Variants in ADGRB3 observed in about 807,000 individuals in gnomAD.
ADGRB3 encodes the protein brain-specific angiogenesis inhibitor 3.
Under a neutral mutation model 193.4 loss-of-function variants are expected in ADGRB3, and 37 were observed. That is an observed-to-expected ratio of 0.19 (90% CI 0.15 to 0.25). ADGRB3 has a LOEUF of 0.25. ADGRB3 is among the 10% of genes least tolerant of loss of function. ADGRB3 has a pLI of 1.00. For synonymous variants in ADGRB3, 690 were observed against 644.2 expected, an observed-to-expected ratio of 1.07 and a Z score of -1.08; for missense variants, 1,637 against 1,852.9, an observed-to-expected ratio of 0.88 and a Z score of 2.14.
intron 3 of ADGRB3, among the ~76,000 whole-genome samples, chr6:68,710,018 T>C (rs1765383448): frequency 2.0e-5 from 3 of 152,122 alleles, no homozygotes; most frequent in Admixed American, 2.0e-4. Context: ...TGTTAACACA[T>C]ATTGAGCACT....
In ADGRB3 at chr6:68,952,130, A is replaced by AC. The variant is rs964168491; in HGVS notation, c.1196-3887dup. On this transcript the variant is annotated intron_variant, in intron 6 of 31. Transcript: ENST00000370598. The stretch of plus-strand genomic sequence containing the variant: ...ATCCAAAACAGAACTCTTAATTTCT[A>AC]CCCCCCCAAAGCCTCCCTGTTCTCT... Among the ~76,000 whole-genome samples the AC allele has an allele frequency of 1.5e-4, 23 of 152,114 alleles. No homozygotes were observed. The Middle Eastern group carries it at 0.01, about 67-fold the overall frequency.
intron 3 of ADGRB3, among the ~76,000 whole-genome samples, chr6:68,774,281 G>GA (rs1382924429): frequency 6.6e-6 from 1 of 151,040 alleles, no homozygotes; most frequent in African/African-American, 2.4e-5. Flanking sequence ...TAGGAAGCAG[G>GA]AAAAAATTTG....
intron 17 of ADGRB3, among the ~76,000 whole-genome samples, chr6:69,218,124 A>G (rs1022149563): frequency 8.6e-5 from 13 of 152,018 alleles, no homozygotes; most frequent in Non-Finnish European, 1.2e-4. Context: ...TTACATTGCA[A>G]AAAAAGACAA....
chr6:69,167,874 G>A (rs1775170567), intron 17 of ADGRB3, among the ~76,000 whole-genome samples: 1 of 152,048 alleles, frequency 6.6e-6, no homozygotes, highest in Admixed American at 6.6e-5. Flanking sequence ...CACTGGGGTG[G>A]TTCATGTTTT....
chr6:69,048,074 T>C, intron 13 of ADGRB3, 111 bp from the exon 14 acceptor site: 2 of 1,188,480 alleles, frequency 1.7e-6, no homozygotes, highest in Admixed American at 2.4e-5. Flanking sequence ...ATAAATACAA[T>C]TTTGACTTGA....
chr6:69,030,282 A>G (rs1770601040), intron 13 of ADGRB3, among the ~76,000 whole-genome samples: 1 of 152,206 alleles, frequency 6.6e-6, no homozygotes, highest in Non-Finnish European at 1.5e-5. Flanking sequence ...CCAAAGGATT[A>G]TAAATCATTT....
At chr6:69,093,561 G>A (rs2150318438) in intron 17 of ADGRB3, among the ~76,000 whole-genome samples, 1 of 151,772 alleles carries the variant, frequency 6.6e-6, no homozygotes, top group Middle Eastern at 3.4e-3. Flanking sequence ...GGTTCAGGGG[G>A]AGAGGGGCGA....
intron 3 of ADGRB3, among the ~76,000 whole-genome samples, chr6:68,726,265 G>A (rs748918189): frequency 1.3e-5 from 2 of 151,534 alleles, no homozygotes; most frequent in African/African-American, 4.8e-5. Context: ...GATATAAAAA[G>A]CAACTTTAGA....
intron 8 of ADGRB3, among the ~76,000 whole-genome samples, chr6:68,973,341 A>T (rs1326804747): frequency 6.6e-6 from 1 of 152,186 alleles, no homozygotes; most frequent in Non-Finnish European, 1.5e-5. Context: ...TCAGCTTTGT[A>T]ATACCCATGT....
intron 24 of ADGRB3, among the ~76,000 whole-genome samples, chr6:69,333,931 AAAAACAAAATAAAATAAAAT>A (rs1768782604): frequency 7.5e-6 from 1 of 132,966 alleles, no homozygotes; most frequent in Non-Finnish European, 1.6e-5. Flanking sequence ...CTCTGTCTCA[AAAAACAAAATAAAATAAAAT>A]AAAATAAAAT....
chr6:68,782,307 A>AT (rs576135844), intron 3 of ADGRB3, among the ~76,000 whole-genome samples: 178 of 151,730 alleles, frequency 1.2e-3, no homozygotes, highest in African/African-American at 4.1e-3. Flanking sequence ...TGAACTCATC[A>AT]TTTTTTATGG....
At chr6:68,829,450 G>A (rs1255616111) in intron 3 of ADGRB3, among the ~76,000 whole-genome samples, 2 of 151,934 alleles carry the variant, frequency 1.3e-5, no homozygotes, top group Admixed American at 1.3e-4. Flanking sequence ...TTAGATCATT[G>A]CTGTAGAACC....
intron 17 of ADGRB3, among the ~76,000 whole-genome samples, chr6:69,094,393 G>T: frequency 6.6e-6 from 1 of 152,174 alleles, no homozygotes; most frequent in East Asian, 1.9e-4. Flanking sequence ...CTTATCAGTT[G>T]CTCCTGTTTT....
intron 26 of ADGRB3, among the ~76,000 whole-genome samples, chr6:69,345,455 A>G (rs1430721938): frequency 6.6e-6 from 1 of 152,188 alleles, no homozygotes; most frequent in Non-Finnish European, 1.5e-5. Flanking sequence ...AAATACACAA[A>G]TCAATAAATG....
intron 22 of ADGRB3, 128 bp downstream of exon 22, chr6:69,328,017 G>A: frequency 1.5e-6 from 1 of 667,148 alleles, no homozygotes. Context: ...GCATTAGTAA[G>A]GAACAAAACA....
At chr6:69,254,381 T>C (rs776682078) in intron 20 of ADGRB3, among the ~76,000 whole-genome samples, 14 of 152,168 alleles carry the variant, frequency 9.2e-5, no homozygotes, top group Non-Finnish European at 1.9e-4. Flanking sequence ...ACTAACACAG[T>C]AATCGCATGA....
intron 30 of ADGRB3, among the ~76,000 whole-genome samples, chr6:69,378,191 G>A (rs1769870904): frequency 6.6e-6 from 1 of 152,022 alleles, no homozygotes; most frequent in Non-Finnish European, 1.5e-5. Flanking sequence ...AAATATAATT[G>A]CAGTACTATG....
chr6:69,119,045 G>A (rs1421682570), intron 17 of ADGRB3, among the ~76,000 whole-genome samples: 3 of 152,150 alleles, frequency 2.0e-5, no homozygotes, highest in Non-Finnish European at 2.9e-5. Context: ...TTACATTACA[G>A]ATTTCTCAAA....
intron 20 of ADGRB3, among the ~76,000 whole-genome samples, chr6:69,242,827 C>G (rs994679308): frequency 5.3e-5 from 8 of 151,946 alleles, no homozygotes; most frequent in Non-Finnish European, 1.2e-4. Flanking sequence ...AAACTTTCAA[C>G]CAGGATGTCT....
Sources: gnomAD v4.1 joint callset for allele counts (sites outside exome capture counted in the v4.1 genomes callset) on GRCh38, gnomAD v4.1.1 for gene constraint, MANE v1.5 for transcripts, NCBI Gene and HGNC (gene_info 2026-07-23, HGNC 2026-07-21) for gene names.